The following ZCWPW2 variants were observed in gnomAD, a reference collection of about 807,000 sequenced individuals.
ZCWPW2 encodes the protein zinc finger CW-type PWWP domain protein 2.
In ZCWPW2, 45 loss-of-function variants were observed where a neutral mutation model predicts 46.6. The ratio of observed to expected loss-of-function variants is 0.96; its 90% CI spans 0.76 to 1.24. ZCWPW2 has a LOEUF of 1.24. Among genes scored for constraint, ZCWPW2 ranks in the 50% most tolerant of loss-of-function variants. ZCWPW2 has a pLI of 0.00. For missense variants in ZCWPW2, 429 were observed against 403.9 expected (o/e 1.06, Z -0.53); for synonymous variants, 152 against 137.1 (o/e 1.11, Z -0.76).
chr3:28,464,443 C>T (rs768820431), intron 4 of ZCWPW2, among the ~76,000 whole-genome samples: 15 of 152,050 alleles, frequency 9.9e-5, no homozygotes, highest in Non-Finnish European at 2.1e-4. Context: ...AGACATTGTT[C>T]CTCTCGAGGA....
intron 5 of ZCWPW2, among the ~76,000 whole-genome samples, chr3:28,490,716 G>T (rs775265917): frequency 4.0e-5 from 6 of 151,772 alleles, no homozygotes; most frequent in Non-Finnish European, 7.4e-5. Flanking sequence ...TACCTATCGG[G>T]TACTATGCTA....
At position 28,390,632 on chromosome 3, in the gene ZCWPW2, A is replaced by G. The variant is rs1695449649; in HGVS notation, c.-14+15A>G. On this transcript the variant is annotated intron_variant, in intron 2 of 9. Coordinates refer to ENST00000383768, the MANE Select transcript of ZCWPW2 (RefSeq NM_001040432.4). ...AGTCTAACTCCGTAAGTACTTGAGA[A>G]ACTCCAAAATGTTTTTCTCTAGTAC... 1.0e-6 allele frequency: 1 copy of G among 985,270 alleles called. No homozygotes were observed. Among genetic ancestry groups the G allele is most frequent in the South Asian group, 4.7e-5 (1 of 21,290 alleles). The allele number at this position is 985,270 out of a possible 1,614,324, so 61.0% of individuals were successfully genotyped here. A position where few individuals can be genotyped will look rare whatever the true frequency, so the allele number is the denominator to read the frequency against.
chr3:28,366,596 A>G (rs1705127203), intron 1 of ZCWPW2, among the ~76,000 whole-genome samples: 1 of 143,942 alleles, frequency 6.9e-6, no homozygotes, highest in African/African-American at 2.6e-5. Flanking sequence ...ATATTGGTCT[A>G]AAATTCTCTT....
At chr3:28,503,335 T>C (rs538404152) in intron 6 of ZCWPW2, among the ~76,000 whole-genome samples, 2 of 152,316 alleles carry the variant, frequency 1.3e-5, no homozygotes, top group African/African-American at 4.8e-5. Flanking sequence ...TTTTCTTCAA[T>C]GCATTTTGCT....
chr3:28,383,138 T>C (rs1695159066), intron 1 of ZCWPW2, among the ~76,000 whole-genome samples: 1 of 152,116 alleles, frequency 6.6e-6, no homozygotes, highest in African/African-American at 2.4e-5. Flanking sequence ...GCATCCTGTG[T>C]CATCTCCCCA....
chr3:28,436,981 A>G (rs191337085), intron 4 of ZCWPW2, among the ~76,000 whole-genome samples: 1 of 152,294 alleles, frequency 6.6e-6, no homozygotes, highest in Admixed American at 6.5e-5. Flanking sequence ...TATTGTCTAG[A>G]CTTCCTAGGG....
At chr3:28,365,967 T>G (rs1705107845) in intron 1 of ZCWPW2, among the ~76,000 whole-genome samples, 1 of 145,942 alleles carries the variant, frequency 6.9e-6, no homozygotes, top group Non-Finnish European at 1.5e-5. Flanking sequence ...TGTATAAGAA[T>G]GCTTGTGATT....
rs528264225 is a variant in ZCWPW2, at chr3:28,477,114, A to AT, written c.493-1695dup. On this transcript the variant is annotated intron_variant, in intron 4 of 9. Coordinates refer to ENST00000383768, the MANE Select transcript of ZCWPW2 (RefSeq NM_001040432.4). ...GTTTAGTGCTATAAGCTTTAAAGTG[A>AT]TTTTTCACCATAATTTCTAATTTAA... Among the ~76,000 whole-genome samples the AT allele has an allele frequency of 1.6e-3, 237 of 152,242 alleles. 2 individuals carry two copies. Among genetic ancestry groups the AT allele is most frequent in the African/African-American group, 5.6e-3 (231 of 41,528 alleles).
chr3:28,371,895 C>T (rs1163274051), intron 1 of ZCWPW2, among the ~76,000 whole-genome samples: 4 of 151,614 alleles, frequency 2.6e-5, no homozygotes, highest in African/African-American at 9.7e-5. Flanking sequence ...TTGCCAGTTT[C>T]TTCTTCTCTT....
At chr3:28,457,334 G>T (rs1480706238) in intron 4 of ZCWPW2, among the ~76,000 whole-genome samples, 1 of 152,094 alleles carries the variant, frequency 6.6e-6, no homozygotes, top group Non-Finnish European at 1.5e-5. Context: ...GCACCTGTTT[G>T]TAATAAACAC....
intron 4 of ZCWPW2, among the ~76,000 whole-genome samples, chr3:28,471,501 T>C (rs1699040065): frequency 6.6e-6 from 1 of 152,168 alleles, no homozygotes; most frequent in Non-Finnish European, 1.5e-5. Context: ...ACAAAAACCA[T>C]ATCATCATCT....
chr3:28,349,073 G>A lies in ZCWPW2; in HGVS notation c.-264G>A, dbSNP rs564917065. On this transcript the variant is annotated 5_prime_UTR_variant, in exon 1 of 10. Coordinates refer to ENST00000383768, the MANE Select transcript of ZCWPW2 (RefSeq NM_001040432.4). Reference sequence around the variant, plus strand: ...CCGAGGGAGCTGGGAGGGCGTTAGCGAAGCCAGGTTCGGTCGTGGGGGTGG... The same window carrying A: ...CCGAGGGAGCTGGGAGGGCGTTAGCAAAGCCAGGTTCGGTCGTGGGGGTGG... 2 of 985,792 alleles carry A rather than the reference G, an allele frequency of 2.0e-6. No individual in the cohort carries two copies. Among genetic ancestry groups the A allele is most frequent in the Admixed American group, 6.1e-5 (1 of 16,296 alleles). 61.1% of individuals were successfully genotyped at this position (985,792 alleles called of 1,614,324 possible).
chr3:28,461,811 G>A (rs1437525535), intron 4 of ZCWPW2: 1 of 152,046 alleles, frequency 6.6e-6, no homozygotes, highest in Non-Finnish European at 1.5e-5. Flanking sequence ...AGTTATTTTT[G>A]AGTGCTATGT....
chr3:28,475,885 T>C (rs1439525424), intron 4 of ZCWPW2, among the ~76,000 whole-genome samples: 1 of 152,140 alleles, frequency 6.6e-6, no homozygotes, highest in Non-Finnish European at 1.5e-5. Flanking sequence ...TACATTTTAT[T>C]ACAGAGCACT....
At chr3:28,477,022 C>T (rs62250296) in intron 4 of ZCWPW2, among the ~76,000 whole-genome samples, 33,284 of 151,958 alleles carry the variant, frequency 0.22, 4,242 homozygotes, top group Middle Eastern at 0.32. Flanking sequence ...GGTCTGACCC[C>T]CTGCTTTAGG....
At chr3:28,504,164 T>C (rs1291030347) in intron 6 of ZCWPW2, among the ~76,000 whole-genome samples, 1 of 152,042 alleles carries the variant, frequency 6.6e-6, no homozygotes, top group Non-Finnish European at 1.5e-5. Context: ...GCCACTGCAC[T>C]CCAGCCTGGG....
chr3:28,423,533 A>AT (rs1324381245), intron 3 of ZCWPW2, among the ~76,000 whole-genome samples: 1 of 151,140 alleles, frequency 6.6e-6, no homozygotes, highest in Non-Finnish European at 1.5e-5. Flanking sequence ...CGCCCAGCTA[A>AT]TTTTTTGTAT....
intron 2 of ZCWPW2, among the ~76,000 whole-genome samples, chr3:28,391,243 T>G (rs1431037323): frequency 6.6e-6 from 1 of 152,134 alleles, no homozygotes; most frequent in Non-Finnish European, 1.5e-5. Flanking sequence ...AAATTTGTAG[T>G]CTGATACATG....
Position 28,357,576 on chromosome 3 carries a change from C to T in ZCWPW2, c.-134+8373C>T, listed in dbSNP as rs570591447. 1.6e-4 allele frequency among the ~76,000 whole-genome samples: 25 copies of T among 151,934 alleles called. No homozygotes were observed. In the East Asian group the frequency reaches 2.0e-3, roughly 12 times the overall value. The stretch of plus-strand genomic sequence containing the variant: ...ACCAAAGGTAGACAAAGGGAGAATT[C>T]GTGCTCTCTCTGCTTGAATATTTGA... On this transcript the variant is annotated intron_variant, in intron 1 of 9. Transcript: ENST00000383768.
Sources: allele counts gnomAD v4.1 joint callset (sites outside exome capture counted in the v4.1 genomes callset), GRCh38; gene constraint gnomAD v4.1.1; transcripts MANE v1.5; gene names NCBI Gene and HGNC (gene_info 2026-07-23, HGNC 2026-07-21).